Variants in ZFYVE28 observed in about 807,000 individuals in gnomAD.
The protein encoded by ZFYVE28 is zinc finger FYVE-type containing 28, also known as lateral signaling target protein 2 homolog.
In ZFYVE28, 40 loss-of-function variants were observed where a neutral mutation model predicts 82.1. That is an observed-to-expected ratio of 0.49 (90% CI 0.38 to 0.63). The LOEUF (loss-of-function observed/expected upper bound fraction) is 0.63, where lower values mean the gene tolerates loss of function less well. ZFYVE28 is among the 30% of genes least tolerant of loss of function. The pLI, the probability that ZFYVE28 is intolerant of heterozygous loss-of-function variation, is 0.00. For missense variants in ZFYVE28, 1,321 were observed against 1,242.1 expected (o/e 1.06, Z -0.96); for synonymous variants, 612 against 546.1 (o/e 1.12, Z -1.68).
intron 6 of ZFYVE28, among the ~76,000 whole-genome samples, chr4:2,325,715 TC>T (rs1165231659): frequency 2.6e-5 from 4 of 151,554 alleles, no homozygotes; most frequent in Admixed American, 2.6e-4. Context: ...AATCCTCTCG[TC>T]TTAGCCTCCG....
chr4:2,274,347 C>T, intron 8 of ZFYVE28, 131 bp from the exon 9 acceptor site: 1 of 1,188,982 alleles, frequency 8.4e-7, no homozygotes, highest in Non-Finnish European at 1.1e-6. Context: ...ATCTGTTGCC[C>T]AGATACACAA....
At chr4:2,285,191 C>G (rs1712534521) in intron 8 of ZFYVE28, among the ~76,000 whole-genome samples, 1 of 152,214 alleles carries the variant, frequency 6.6e-6, no homozygotes, top group Non-Finnish European at 1.5e-5. Flanking sequence ...AGTACACACC[C>G]AAGATGGCCA....
chr4:2,280,278 C>T (rs189626250), intron 8 of ZFYVE28, among the ~76,000 whole-genome samples: 5 of 152,146 alleles, frequency 3.3e-5, no homozygotes, highest in Admixed American at 1.3e-4. Flanking sequence ...GAGGCTGAGG[C>T]GGGAGGATCA....
intron 8 of ZFYVE28, among the ~76,000 whole-genome samples, chr4:2,275,989 G>A (rs1488288130): frequency 1.3e-5 from 2 of 152,212 alleles, no homozygotes; most frequent in African/African-American, 2.4e-5. Flanking sequence ...CCGCCAACGC[G>A]CACGAATCCC....
intron 1 of ZFYVE28, among the ~76,000 whole-genome samples, chr4:2,382,522 A>C (rs1013170571): frequency 6.6e-6 from 1 of 152,184 alleles, no homozygotes. Flanking sequence ...GTCCCGCTGG[A>C]TTTCGGACTT....
At chr4:2,299,313 C>G (rs761307064) in intron 8 of ZFYVE28, among the ~76,000 whole-genome samples, 1 of 152,010 alleles carries the variant, frequency 6.6e-6, no homozygotes, top group Non-Finnish European at 1.5e-5. Context: ...TTTTCCCCCT[C>G]AAGTTGGAGT....
In ZFYVE28 at chr4:2,408,063, C is replaced by A. The variant is rs1732114878; in HGVS notation, c.39+10222G>T. 6.6e-6 allele frequency among the ~76,000 whole-genome samples: 1 copy of A among 152,220 alleles called. No homozygotes were observed. The highest frequency in any genetic ancestry group is 2.1e-4 in the South Asian group (1 of 4,830). ...CCATGTACCTCACTCGGCCAGGCTG[C>A]CCAGGTGACCCTGTGCTGAAGTGGC... On this transcript the variant is annotated intron_variant, in intron 1 of 12. Transcript: ENST00000290974. The surrounding 1 kb of genome is among the most constrained non-coding windows in gnomAD (Gnocchi z 4.3).
At chr4:2,295,304 G>A (rs1485636295) in intron 8 of ZFYVE28, among the ~76,000 whole-genome samples, 2 of 152,016 alleles carry the variant, frequency 1.3e-5, no homozygotes, top group Non-Finnish European at 2.9e-5. Flanking sequence ...TGGGATTGCA[G>A]GCACCTGCCA....
chr4:2,270,563 G>A lies in ZFYVE28; in HGVS notation c.*162C>T, dbSNP rs906884457. On this transcript the variant is annotated 3_prime_UTR_variant, in exon 13 of 13. Coordinates refer to ENST00000290974, the MANE Select transcript of ZFYVE28 (RefSeq NM_020972.3). ...GCCGGCCCGGGGTCCCTGCAGGGAG[G>A]CTAGCGTGGGCAGGACAGAGGCTCT... 5.6e-6 allele frequency: 6 copies of A among 1,067,698 alleles called. No homozygotes were observed. The South Asian group carries it at 7.9e-5, about 14-fold the overall frequency. 66.1% of individuals were successfully genotyped at this position (1,067,698 alleles called of 1,614,324 possible).
chr4:2,406,272 T>C (rs1479056164), intron 1 of ZFYVE28, among the ~76,000 whole-genome samples: 1 of 149,560 alleles, frequency 6.7e-6, no homozygotes, highest in African/African-American at 2.4e-5. Flanking sequence ...CTCGAGAGGC[T>C]GAGGCAGGAG....
intron 1 of ZFYVE28, among the ~76,000 whole-genome samples, chr4:2,403,607 A>G (rs1317133201): frequency 6.6e-6 from 1 of 152,108 alleles, no homozygotes; most frequent in Non-Finnish European, 1.5e-5. Context: ...AGGGCCATAG[A>G]TGCCCTCTCA....
intron 1 of ZFYVE28, among the ~76,000 whole-genome samples, chr4:2,404,854 G>A (rs1043092845): frequency 8.0e-5 from 8 of 100,136 alleles, no homozygotes; most frequent in Non-Finnish European, 7.7e-5. Flanking sequence ...TCTCAGTCTC[G>A]CTCTTTTTTT....
intron 2 of ZFYVE28, among the ~76,000 whole-genome samples, chr4:2,350,903 T>A (rs1427358737): frequency 1.3e-5 from 2 of 152,252 alleles, no homozygotes; most frequent in Non-Finnish European, 2.9e-5. Flanking sequence ...CTTCCCGACC[T>A]TAGCCTGTGC....
At chr4:2,319,347 G>T (rs747965272) in intron 7 of ZFYVE28, among the ~76,000 whole-genome samples, 1 of 152,230 alleles carries the variant, frequency 6.6e-6, no homozygotes, top group South Asian at 2.1e-4. Flanking sequence ...ACCCACTGAC[G>T]CCAAGGACCA....
Position 2,304,825 on chromosome 4 carries a change from G to C in ZFYVE28, c.1515C>G (p.Ala505=). Residue 505 remains alanine, a synonymous_variant, in exon 8 of 13, where the codon GCC becomes GCG. Transcript: ENST00000290974. ...ADDAETAEMI[A]HRTGGMKLSA... ...AGAGCTTCATGCCCCCTGTCCGGTG[G>C]GCGATCATCTCAGCCGTCTCTGCGT... The C allele has an allele frequency of 6.2e-7, 1 of 1,612,694 alleles. No homozygotes were observed. The highest frequency in any genetic ancestry group is 8.5e-7 in the Non-Finnish European group (1 of 1,179,938).
At position 2,304,926 on chromosome 4, in the gene ZFYVE28, T is replaced by G; in HGVS notation, c.1414A>C (p.Ser472Arg). The G allele has an allele frequency of 6.2e-7, 1 of 1,612,676 alleles. No individual in the cohort carries two copies. Among genetic ancestry groups the G allele is most frequent in the Non-Finnish European group, 8.5e-7 (1 of 1,179,862 alleles). Residue 472 changes from serine to arginine, a missense_variant, in exon 8 of 13, where the codon AGC (serine) becomes CGC (arginine). By Grantham distance (110) the Ser-to-Arg change is moderately radical (BLOSUM62 -1). This residue lies in a region of ZFYVE28 where 978 missense variants were observed against 833.7 expected (regional missense o/e 1.17). Coordinates refer to ENST00000290974, the MANE Select transcript of ZFYVE28 (RefSeq NM_020972.3). ...CTGCAGGAGCTGGTGCCCGCGAGGC[T>G]GGCCCCATCTGTGCCCTCGGCCTCG... ...NLEAEGTDGA[S>R]LAGTSSCSCL...
At chr4:2,289,590 C>G (rs1391743187) in intron 8 of ZFYVE28, among the ~76,000 whole-genome samples, 2 of 152,150 alleles carry the variant, frequency 1.3e-5, no homozygotes, top group East Asian at 3.9e-4. Flanking sequence ...CCCACACTGT[C>G]AGCAGCCCCA....
At position 2,354,168 on chromosome 4, in the gene ZFYVE28, C is replaced by T. The variant is rs905433347; in HGVS notation, c.40-95G>A. ...GTCCCCAGGCCATGTGTGGGCTCAG[C>T]CTGGGACCTTCCACCCTGAGCAGCA... On this transcript the variant is annotated intron_variant, in intron 1 of 12. Transcript: ENST00000290974. The T allele has an allele frequency of 4.6e-6, 6 of 1,316,254 alleles. No homozygotes were observed. The African/African-American group carries it at 9.2e-5, about 20-fold the overall frequency. The allele number at this position is 1,316,254 out of a possible 1,614,324, so 81.5% of individuals were successfully genotyped here. A position where few individuals can be genotyped will look rare whatever the true frequency, so the allele number is the denominator to read the frequency against.
intron 6 of ZFYVE28, among the ~76,000 whole-genome samples, chr4:2,325,798 G>A (rs557991560): frequency 5.3e-5 from 8 of 152,074 alleles, no homozygotes; most frequent in Non-Finnish European, 1.2e-4. Flanking sequence ...TCACTATGTT[G>A]CTTAAGCTGG....
Sources: gnomAD v4.1 joint callset for allele counts (sites outside exome capture counted in the v4.1 genomes callset) on GRCh38, gnomAD v4.1.1 for gene constraint, gnomAD v4.1.1 regional missense constraint, Gnocchi (gnomAD v3.1) non-coding constraint, MANE v1.5 for transcripts, NCBI Gene and HGNC (gene_info 2026-07-23, HGNC 2026-07-21) for gene names.